The following QTGAL variants were observed in gnomAD, a reference collection of about 807,000 sequenced individuals.
The protein encoded by QTGAL is BGnT-like protein 1.
chr17:83,001,430 A>C, the QTGAL span, among the ~76,000 whole-genome samples: 1 of 152,222 alleles, frequency 6.6e-6, no homozygotes. Flanking sequence ...GTGAAGAAAA[A>C]AGGAAGAAGA....
At chr17:83,040,022 TA>T in the QTGAL span, among the ~76,000 whole-genome samples, 1 of 152,178 alleles carries the variant, frequency 6.6e-6, no homozygotes, top group Non-Finnish European at 1.5e-5. Flanking sequence ...GTCATAGCTG[TA>T]AGACTCCCTC....
chr17:83,037,675 G>C, the QTGAL span, among the ~76,000 whole-genome samples: 1 of 152,332 alleles, frequency 6.6e-6, no homozygotes, highest in East Asian at 1.9e-4. This position sits in a 1 kb window ranked among gnomAD's most constrained non-coding sequence, Gnocchi z 5.2. Context: ...AGGGCCGGAA[G>C]GGGCCTTCCA....
the QTGAL span, among the ~76,000 whole-genome samples, chr17:83,044,831 AG>A: frequency 6.6e-6 from 1 of 152,202 alleles, no homozygotes; most frequent in Non-Finnish European, 1.5e-5. Context: ...CTGTAGACCC[AG>A]CTGCTCGGGA....
At chr17:82,961,063 ACGCAGTGCGTGG>A in the QTGAL span, 1 of 1,609,268 alleles carries the variant, frequency 6.2e-7, no homozygotes, top group Non-Finnish European at 8.5e-7. Context: ...TCACTCGAGG[ACGCAGTGCGTGG>A]CCGCCTGTGG....
chr17:83,038,349 T>C, the QTGAL span, among the ~76,000 whole-genome samples: 2 of 152,190 alleles, frequency 1.3e-5, no homozygotes, highest in Admixed American at 1.3e-4. Flanking sequence ...TTCAGAACTT[T>C]ACAACGGATT....
chr17:82,966,083 CT>C, the QTGAL span, among the ~76,000 whole-genome samples: 46,857 of 140,992 alleles, frequency 0.33, 7,353 homozygotes, highest in Non-Finnish European at 0.37. Context: ...CTGATTTTTA[CT>C]TTTTTTTTTT....
At chr17:82,951,960 C>T in the QTGAL span, among the ~76,000 whole-genome samples, 1 of 151,718 alleles carries the variant, frequency 6.6e-6, no homozygotes, top group African/African-American at 2.4e-5. Context: ...AGAATTAACA[C>T]GTGGAGATGG....
At chr17:82,997,594 C>G in the QTGAL span, among the ~76,000 whole-genome samples, 4 of 152,146 alleles carry the variant, frequency 2.6e-5, no homozygotes, top group Non-Finnish European at 5.9e-5. Context: ...CACGTATTCA[C>G]TGCAGCACTA....
At chr17:82,951,110 G>A in the QTGAL span, among the ~76,000 whole-genome samples, 1 of 152,188 alleles carries the variant, frequency 6.6e-6, no homozygotes, top group Non-Finnish European at 1.5e-5. Context: ...GGCATAGATG[G>A]GTTTTAAAGT....
the QTGAL span, among the ~76,000 whole-genome samples, chr17:83,010,801 G>T: frequency 6.6e-6 from 1 of 152,210 alleles, no homozygotes; most frequent in African/African-American, 2.4e-5. Flanking sequence ...CGCCCAGGAT[G>T]CAGGGCACGG....
the QTGAL span, among the ~76,000 whole-genome samples, chr17:83,041,688 T>C: frequency 1.3e-5 from 2 of 152,244 alleles, no homozygotes; most frequent in East Asian, 3.8e-4. Context: ...CTGGGAGCTG[T>C]GACTCATGGC....
the QTGAL span, chr17:82,957,432 G>T: frequency 6.2e-7 from 1 of 1,612,340 alleles, no homozygotes; most frequent in Non-Finnish European, 8.5e-7. Flanking sequence ...GATGGTGAAG[G>T]CCGCCCAGCG....
the QTGAL span, chr17:83,005,276 G>A: frequency 7.8e-7 from 1 of 1,280,798 alleles, no homozygotes; most frequent in Non-Finnish European, 1.1e-6. This position sits in a 1 kb window ranked among gnomAD's most constrained non-coding sequence, Gnocchi z 5.6. Flanking sequence ...GTGCACACCT[G>A]TGTGTATTCA....
chr17:83,025,036 G>A, the QTGAL span, among the ~76,000 whole-genome samples: 5 of 152,184 alleles, frequency 3.3e-5, no homozygotes, highest in Admixed American at 6.5e-5. Flanking sequence ...AAGGTCCCTC[G>A]CTGGCCAAAT....
At chr17:83,029,586 A>G in the QTGAL span, among the ~76,000 whole-genome samples, 1 of 152,162 alleles carries the variant, frequency 6.6e-6, no homozygotes, top group Non-Finnish European at 1.5e-5. Context: ...ACAGGTGTGG[A>G]GTCCTAATTA....
chr17:83,004,629 C>A, the QTGAL span, among the ~76,000 whole-genome samples: 1 of 137,132 alleles, frequency 7.3e-6, no homozygotes, highest in East Asian at 2.2e-4. Context: ...GCCCTCCCAC[C>A]CTCCGCACTC....
chr17:82,970,572 C>A, the QTGAL span, among the ~76,000 whole-genome samples: 7,136 of 88,340 alleles, frequency 0.081, 624 homozygotes, highest in East Asian at 0.11. Flanking sequence ...ACCTCCGCAC[C>A]CGGCGTGGCC....
chr17:83,049,125 C>T, the QTGAL span: 16 of 236,084 alleles, frequency 6.8e-5, no homozygotes, highest in Middle Eastern at 1.7e-3. Flanking sequence ...TGGTGGCAGG[C>T]TCCTGTAGTC....
At chr17:82,998,239 C>CCCACA in the QTGAL span, among the ~76,000 whole-genome samples, 1 of 151,974 alleles carries the variant, frequency 6.6e-6, no homozygotes, top group Non-Finnish European at 1.5e-5. Flanking sequence ...CATAAATATA[C>CCCACA]GTACTTACTA....
Sources: allele counts gnomAD v4.1 joint callset (sites outside exome capture counted in the v4.1 genomes callset), GRCh38; gene constraint gnomAD v4.1.1; non-coding constraint Gnocchi (gnomAD v3.1); transcripts MANE v1.5; gene names NCBI Gene and HGNC (gene_info 2026-07-23, HGNC 2026-07-21).